Variants in PIKFYVE observed in about 807,000 individuals in gnomAD.
The protein encoded by PIKFYVE is 1-phosphatidylinositol 3-phosphate 5-kinase.
PIKFYVE carries 122 observed loss-of-function variants against 257.9 expected under a neutral mutation model. That is an observed-to-expected ratio of 0.47 (90% CI 0.41 to 0.55). PIKFYVE has a LOEUF of 0.55. PIKFYVE is among the 20% of genes least tolerant of loss of function. The probability of loss-of-function intolerance (pLI) is 0.00; values close to 1 mark genes in which losing one functional copy is unlikely to be tolerated. For missense variants in PIKFYVE, 2,160 were observed against 2,536.6 expected (o/e 0.85, Z 3.19); for synonymous variants, 892 against 868.9 (o/e 1.03, Z -0.47).
chr2:208,271,354 G>T (rs1689396443), intron 1 of PIKFYVE, among the ~76,000 whole-genome samples, 157 bp from the exon 2 acceptor site: 1 of 152,156 alleles, frequency 6.6e-6, no homozygotes, highest in African/African-American at 2.4e-5. Flanking sequence ...AGTGTTTTCA[G>T]TCCTTTGGAA....
At chr2:208,281,944 A>T (rs1690869736) in intron 5 of PIKFYVE, among the ~76,000 whole-genome samples, 1 of 152,200 alleles carries the variant, frequency 6.6e-6, no homozygotes, top group African/African-American at 2.4e-5. Context: ...GATTTCTTTC[A>T]AGGAAGACCT....
At chr2:208,284,354 AG>A (rs1691256399) in intron 5 of PIKFYVE, among the ~76,000 whole-genome samples, 2 of 148,880 alleles carry the variant, frequency 1.3e-5, no homozygotes. Flanking sequence ...TCTGCCTCCC[AG>A]GTTCAAGCGA....
At chr2:208,321,035 G>T (rs1231349638) in intron 17 of PIKFYVE, among the ~76,000 whole-genome samples, 1 of 152,178 alleles carries the variant, frequency 6.6e-6, no homozygotes, top group East Asian at 1.9e-4. Flanking sequence ...AATTTTACTT[G>T]AGGCAGCCTC....
intron 12 of PIKFYVE, among the ~76,000 whole-genome samples, chr2:208,309,547 G>A (rs1694727839): frequency 6.6e-6 from 1 of 152,204 alleles, no homozygotes; most frequent in Non-Finnish European, 1.5e-5. Flanking sequence ...ATAGAACGAG[G>A]TTGCCAGGAT....
chr2:208,326,315 C>T lies in PIKFYVE; in HGVS notation c.3504C>T (p.Asp1168=), dbSNP rs749761831. The change falls in exon 20 of 42, where the codon GAC becomes GAT. Residue 1168 remains aspartate (D), a synonymous_variant. Coordinates refer to ENST00000264380, the MANE Select transcript of PIKFYVE (RefSeq NM_015040.4). ...GAAGAATTCAGCCCAAAAATTCAGA[C>T]CCTTTTGCTCATTCAAAGGATGCAT... The part of the protein sequence containing the change: ...RGGRIQPKNS[D]PFAHSKDASS... 1.4e-5 allele frequency: 22 copies of T among 1,609,216 alleles called. No homozygotes were observed. Among genetic ancestry groups the T allele is most frequent in the Non-Finnish European group, 1.9e-5 (22 of 1,177,824 alleles).
intron 1 of PIKFYVE, among the ~76,000 whole-genome samples, chr2:208,267,451 A>G (rs1688787345): frequency 1.3e-5 from 2 of 150,854 alleles, no homozygotes; most frequent in South Asian, 4.2e-4. Flanking sequence ...ATCTTTGTTG[A>G]TAGAAGCTAA....
chr2:208,337,708 T>C (rs978805927), intron 28 of PIKFYVE, among the ~76,000 whole-genome samples: 1 of 152,098 alleles, frequency 6.6e-6, no homozygotes, highest in Non-Finnish European at 1.5e-5. Flanking sequence ...CCAAGACCTT[T>C]TCAGGGACTC....
chr2:208,266,921 T>C (rs2885785), intron 1 of PIKFYVE, among the ~76,000 whole-genome samples: 146,236 of 152,320 alleles, frequency 0.96, 70,351 homozygotes, highest in East Asian at 1. Flanking sequence ...GTTTTGGAGT[T>C]TCTTGAGGAG....
rs535357950 is a variant in PIKFYVE at position 208,296,113 on chromosome 2, T to G, written c.912-2528T>G. Among the ~76,000 whole-genome samples the G allele has an allele frequency of 4.7e-4, 72 of 152,246 alleles. No individual in the cohort carries two copies. In the Middle Eastern group the frequency reaches 0.02, roughly 43 times the overall value. ...TCTGCCTCCTAGGTTCAAGCAATTC[T>G]TGTGCCTCAGTCTCCCGCTAGCCTG... On this transcript the variant is annotated intron_variant, in intron 7 of 41. Coordinates refer to ENST00000264380, the MANE Select transcript of PIKFYVE (RefSeq NM_015040.4).
At chr2:208,284,582 T>G (rs1223656140) in intron 5 of PIKFYVE, among the ~76,000 whole-genome samples, 1 of 151,214 alleles carries the variant, frequency 6.6e-6, no homozygotes, top group Non-Finnish European at 1.5e-5. Context: ...TTATAATAAT[T>G]CTTTTATAGT....
rs748152652 is a variant in PIKFYVE at position 208,335,822 on chromosome 2, A to T, written c.4286A>T (p.Glu1429Val). 2 of 1,613,058 alleles carry T rather than the reference A, an allele frequency of 1.2e-6. No homozygotes were observed. The highest frequency in any genetic ancestry group is 4.5e-5 in the East Asian group (2 of 44,754). Reference sequence around the variant, plus strand: ...TCACAGGTATATGTTGCCATTGATGAAAGACTTGCATCTTTGAAAACTGAT... The same window carrying T: ...TCACAGGTATATGTTGCCATTGATGTAAGACTTGCATCTTTGAAAACTGAT... ...KVSQVYVAID[E>V]RLASLKTDTF... Residue 1429 changes from glutamate to valine, a missense_variant, in exon 26 of 42, where the codon GAA becomes GTA. By Grantham distance (121) the Glu-to-Val change is moderately radical. Around this residue, in one of 12 missense-constraint regions of PIKFYVE, gnomAD observed 699 missense variants for 855.8 expected, o/e 0.82. Coordinates refer to ENST00000264380, the MANE Select transcript of PIKFYVE (RefSeq NM_015040.4).
chr2:208,353,352 C>T (rs1194631208), intron 39 of PIKFYVE, among the ~76,000 whole-genome samples: 2 of 152,182 alleles, frequency 1.3e-5, no homozygotes, highest in African/African-American at 4.8e-5. Flanking sequence ...GAGCCAGGAG[C>T]AACTGACCAG....
rs553850289 is a variant in PIKFYVE at position 208,347,694 on chromosome 2, A to G, written c.5210-165A>G. Among the ~76,000 whole-genome samples the G allele has an allele frequency of 6.6e-5, 10 of 152,188 alleles. 3 individuals are homozygous for G. The highest frequency in any genetic ancestry group is 2.4e-4 in the African/African-American group (10 of 41,470). On this transcript the variant is annotated intron_variant, in intron 34 of 41. Coordinates refer to ENST00000264380, the MANE Select transcript of PIKFYVE (RefSeq NM_015040.4). ...TTACGCAAAAACAACATGTGAAACA[A>G]TAAGTAACAACATGAAGGACAATGT... is the stretch of plus-strand genomic sequence containing the variant.
chr2:208,320,462 G>T (rs1696083754), intron 17 of PIKFYVE, 103 bp downstream of exon 17: 16 of 1,423,806 alleles, frequency 1.1e-5, no homozygotes, highest in Non-Finnish European at 1.5e-5. Flanking sequence ...AATTAAATTG[G>T]ATAGGCAAAC....
chr2:208,327,691 A>G (rs1236438081), intron 20 of PIKFYVE, among the ~76,000 whole-genome samples: 1 of 152,202 alleles, frequency 6.6e-6, no homozygotes, highest in African/African-American at 2.4e-5. Flanking sequence ...CAGGAGGAGC[A>G]GTTTTGTGTA....
chr2:208,324,319 A>T, intron 18 of PIKFYVE, 37 bp downstream of exon 18: 2 of 1,602,450 alleles, frequency 1.2e-6, no homozygotes, highest in Non-Finnish European at 1.7e-6. Context: ...TTTTAAAAAA[A>T]TCACAGCTTT....
intron 36 of PIKFYVE, 123 bp downstream of exon 36, chr2:208,350,206 C>G: frequency 7.1e-7 from 1 of 1,403,432 alleles, no homozygotes; most frequent in Non-Finnish European, 9.4e-7. Context: ...AATATTAAGT[C>G]TTTATGCTGA....
At chr2:208,351,942 T>C (rs913370711) in intron 38 of PIKFYVE, among the ~76,000 whole-genome samples, 1 of 152,128 alleles carries the variant, frequency 6.6e-6, no homozygotes, top group Non-Finnish European at 1.5e-5. Flanking sequence ...ATCCAAACTG[T>C]AACAGTCCTA....
chr2:208,313,542 A>G (rs1441095973), intron 13 of PIKFYVE, among the ~76,000 whole-genome samples: 3 of 150,380 alleles, frequency 2.0e-5, no homozygotes, highest in Admixed American at 1.3e-4. Flanking sequence ...TTCTTTTGCC[A>G]GCATTCAGAT....
Sources: allele counts gnomAD v4.1 joint callset (sites outside exome capture counted in the v4.1 genomes callset), GRCh38; gene constraint gnomAD v4.1.1; regional missense constraint gnomAD v4.1.1; transcripts MANE v1.5; gene names NCBI Gene and HGNC (gene_info 2026-07-23, HGNC 2026-07-21).